FMN1: variants seen among roughly 807,000 people sequenced by gnomAD.
FMN1 encodes formin-1.
FMN1 carries 110 observed loss-of-function variants against 132.4 expected under a neutral mutation model. That is an observed-to-expected ratio of 0.83 (90% confidence interval 0.71 to 0.97). The LOEUF (loss-of-function observed/expected upper bound fraction) is 0.97, where lower values mean the gene tolerates loss of function less well. Among genes scored for constraint, FMN1 ranks in the 50% least tolerant of loss-of-function variants. FMN1 has a pLI of 0.00. For missense variants in FMN1, 1,792 were observed against 1,705.3 expected (o/e 1.05, Z -0.90); for synonymous variants, 722 against 651.7 (o/e 1.11, Z -1.64).
At chr15:32,985,949 A>G (rs770103444) in intron 7 of FMN1, among the ~76,000 whole-genome samples, 1 of 152,162 alleles carries the variant, frequency 6.6e-6, no homozygotes, top group African/African-American at 2.4e-5. Flanking sequence ...GGGCCAATGC[A>G]GGTGTTTTCG....
At chr15:32,891,852 CTGCT>C (rs1481084078) in intron 15 of FMN1, among the ~76,000 whole-genome samples, 2 of 152,074 alleles carry the variant, frequency 1.3e-5, no homozygotes, top group African/African-American at 2.4e-5. Flanking sequence ...ATTTGATTCT[CTGCT>C]TGGTCACTGT....
intron 16 of FMN1, among the ~76,000 whole-genome samples, chr15:32,864,239 C>T (rs1017379340): frequency 6.6e-6 from 1 of 152,138 alleles, no homozygotes; most frequent in Non-Finnish European, 1.5e-5. Flanking sequence ...TCTGATGCTA[C>T]ACAGCAGGAG....
At chr15:32,851,503 T>G (rs2059007943) in intron 17 of FMN1, among the ~76,000 whole-genome samples, 2 of 152,166 alleles carry the variant, frequency 1.3e-5, no homozygotes, top group African/African-American at 4.8e-5. Context: ...ACAAAATGCC[T>G]GCACAAGGTT....
At position 33,118,932 on chromosome 15, in the gene FMN1, T is replaced by C. The variant is rs145450400; in HGVS notation, c.1868-29958A>G. On this transcript the variant is annotated intron_variant, in intron 4 of 20. Coordinates refer to ENST00000616417, the MANE Select transcript of FMN1 (RefSeq NM_001277313.2). ...CTTCCTTTACAAAAAAAAAAAAAAT[T>C]AGACACATAAATTCTTAGTTTTGTT... Among the ~76,000 whole-genome samples, 1,422 of 151,332 alleles carry C rather than the reference T, an allele frequency of 9.4e-3. 19 individuals carry two copies. The highest frequency in any genetic ancestry group is 0.033 in the African/African-American group (1,353 of 41,298).
intron 3 of FMN1, among the ~76,000 whole-genome samples, chr15:33,170,687 T>C (rs77047164): frequency 0.033 from 5,056 of 151,958 alleles, 138 homozygotes; most frequent in East Asian, 0.11. Flanking sequence ...AAAACCACAA[T>C]GAGATATCAT....
chr15:32,834,563 G>A (rs1039974313), intron 17 of FMN1, among the ~76,000 whole-genome samples: 17 of 152,230 alleles, frequency 1.1e-4, no homozygotes, highest in African/African-American at 3.6e-4. Context: ...CAAAGAAACC[G>A]ACTGCCATCA....
chr15:33,128,138 TAG>T (rs1444305321), intron 4 of FMN1, among the ~76,000 whole-genome samples: 12 of 151,596 alleles, frequency 7.9e-5, no homozygotes, highest in African/African-American at 1.7e-4. Context: ...ATGGGAGCAG[TAG>T]AGAGTGTAAC....
In FMN1 at chr15:33,153,285, G is replaced by GC; in HGVS notation, c.1629dup (p.Pro544AlafsTer3). The GC allele has an allele frequency of 6.5e-7, 1 of 1,536,156 alleles. No homozygotes were observed. The highest frequency in any genetic ancestry group is 8.7e-7 in the Non-Finnish European group (1 of 1,146,920). On this transcript the variant is annotated frameshift_variant, in exon 4 of 21. Transcript: ENST00000616417. LOFTEE classifies it high-confidence loss of function. The stretch of plus-strand genomic sequence containing the variant: ...TTAAGAGCAGCTTCCCTCTCACCAG[G>GC]CAATGCAGGGAGCCGGAGGATCCTG...
chr15:33,048,016 T>G (rs1019470363), intron 6 of FMN1, among the ~76,000 whole-genome samples: 1 of 152,218 alleles, frequency 6.6e-6, no homozygotes, highest in African/African-American at 2.4e-5. Context: ...AATAAGTGCT[T>G]AAATCAAATA....
At chr15:33,100,071 T>G (rs1390780205) in intron 4 of FMN1, among the ~76,000 whole-genome samples, 2 of 152,190 alleles carry the variant, frequency 1.3e-5, no homozygotes, top group East Asian at 3.8e-4. Context: ...TTAGCCATCA[T>G]TCCACTCAAC....
intron 16 of FMN1, among the ~76,000 whole-genome samples, chr15:32,873,684 A>G (rs555797739): frequency 6.6e-6 from 1 of 152,344 alleles, no homozygotes; most frequent in African/African-American, 2.4e-5. Context: ...GAGAAGAACA[A>G]GACGGCTGAA....
intron 7 of FMN1, among the ~76,000 whole-genome samples, chr15:32,976,124 T>C (rs892317283): frequency 4.6e-5 from 7 of 152,046 alleles, no homozygotes; most frequent in African/African-American, 1.7e-4. Flanking sequence ...CCAGGGCCAA[T>C]AAAAAATCAG....
At chr15:32,832,251 C>T (rs914950846) in intron 17 of FMN1, among the ~76,000 whole-genome samples, 4 of 152,104 alleles carry the variant, frequency 2.6e-5, no homozygotes, top group Admixed American at 6.5e-5. Flanking sequence ...TCTCAAAGCC[C>T]GATGGATTTA....
intron 5 of FMN1, among the ~76,000 whole-genome samples, chr15:33,081,671 TAGA>T (rs2141326321): frequency 6.6e-6 from 1 of 152,340 alleles, no homozygotes; most frequent in South Asian, 2.1e-4. Flanking sequence ...AGTGGAGCGG[TAGA>T]AGGACTTAAC....
rs150896104 is a variant in FMN1, at chr15:33,021,915, ATCT to A, written c.2162-13843_2162-13841del. Among the ~76,000 whole-genome samples, 1,037 of 152,330 alleles carry A rather than the reference ATCT, an allele frequency of 6.8e-3. 8 individuals carry two copies. Among genetic ancestry groups the A allele is most frequent in the Non-Finnish European group, 0.011 (771 of 68,024 alleles). ...CAGTTAAATAATGGCCACAAAACAAATCTTCTAGAAAAGGCACACACTTAACTA... is the reference window on the plus strand; with the variant it reads ...CAGTTAAATAATGGCCACAAAACAAATCTAGAAAAGGCACACACTTAACTA... On this transcript the variant is annotated intron_variant, in intron 6 of 20. Coordinates refer to ENST00000616417, the MANE Select transcript of FMN1 (RefSeq NM_001277313.2).
chr15:32,891,777 T>C (rs2060035990), intron 15 of FMN1, among the ~76,000 whole-genome samples: 1 of 152,160 alleles, frequency 6.6e-6, no homozygotes, highest in Admixed American at 6.5e-5. Flanking sequence ...CTTAGGTATA[T>C]TACTATACAC....
intron 4 of FMN1, among the ~76,000 whole-genome samples, chr15:33,117,563 T>C (rs988502904): frequency 5.3e-5 from 8 of 152,220 alleles, no homozygotes; most frequent in African/African-American, 1.7e-4. Context: ...GTTTGCTCCT[T>C]GCACCTCAAT....
chr15:33,044,905 C>T (rs2036607351), intron 6 of FMN1, among the ~76,000 whole-genome samples: 1 of 152,226 alleles, frequency 6.6e-6, no homozygotes, highest in Admixed American at 6.5e-5. Flanking sequence ...TGTTGTGAGA[C>T]AAGAACTTGG....
At chr15:33,014,925 T>A (rs537432942) in intron 6 of FMN1, among the ~76,000 whole-genome samples, 56 of 152,308 alleles carry the variant, frequency 3.7e-4, no homozygotes, top group African/African-American at 1.3e-3. Context: ...ACGGATAACA[T>A]TATTGAGGGT....
Sources: gnomAD v4.1 joint callset for allele counts (sites outside exome capture counted in the v4.1 genomes callset) on GRCh38, gnomAD v4.1.1 for gene constraint, MANE v1.5 for transcripts, NCBI Gene and HGNC (gene_info 2026-07-23, HGNC 2026-07-21) for gene names.